The following EHMT1 variants were observed in gnomAD, a reference collection of about 807,000 sequenced individuals.
EHMT1 encodes the protein histone-lysine N-methyltransferase EHMT1.
Under a neutral mutation model 147.2 loss-of-function variants are expected in EHMT1, and 15 were observed. That is an observed-to-expected ratio of 0.10 (90% CI 0.07 to 0.16). The LOEUF (loss-of-function observed/expected upper bound fraction) is 0.16, where lower values mean the gene tolerates loss of function less well. Among genes scored for constraint, EHMT1 ranks in the 10% least tolerant of loss-of-function variants. The pLI is 1.00. For synonymous variants in EHMT1, 795 were observed against 709.6 expected, an observed-to-expected ratio of 1.12 and a Z score of -1.91; for missense variants, 1,587 against 1,772.4, an observed-to-expected ratio of 0.90 and a Z score of 1.88.
chr9:137,743,214 C>A, intron 4 of EHMT1, 157 bp from the exon 5 acceptor site: 1 of 777,104 alleles, frequency 1.3e-6, no homozygotes, highest in Non-Finnish European at 2.0e-6. Flanking sequence ...ATGCCTGTCA[C>A]TGTGCTGATG....
intron 2 of EHMT1, among the ~76,000 whole-genome samples, chr9:137,713,836 G>C (rs1022330889): frequency 2.0e-5 from 3 of 152,090 alleles, no homozygotes; most frequent in Middle Eastern, 3.4e-3. Flanking sequence ...TATAATCCCA[G>C]CTACTCATGA....
chr9:137,664,288 CT>C (rs796427218), intron 1 of EHMT1, among the ~76,000 whole-genome samples: 4,285 of 142,080 alleles, frequency 0.03, 149 homozygotes, highest in East Asian at 0.13. Context: ...TTTAGCCATA[CT>C]TTTTTTTTTT....
At chr9:137,715,191 C>T (rs1339896546) in intron 2 of EHMT1, among the ~76,000 whole-genome samples, 2 of 152,082 alleles carry the variant, frequency 1.3e-5, no homozygotes, top group Non-Finnish European at 2.9e-5. Flanking sequence ...TTGTTCTTTC[C>T]CTTTGGTGTC....
At chr9:137,705,988 C>T (rs1944236387) in intron 1 of EHMT1, among the ~76,000 whole-genome samples, 1 of 149,076 alleles carries the variant, frequency 6.7e-6, no homozygotes, top group African/African-American at 2.5e-5. Context: ...CCAGGCCGTT[C>T]TTCCTGGAGT....
At chr9:137,807,478 CTTATTTAT>C (rs60007941) in intron 18 of EHMT1, among the ~76,000 whole-genome samples, 12,588 of 147,990 alleles carry the variant, frequency 0.085, 1,355 homozygotes, top group African/African-American at 0.25. Context: ...GCTTTATTTA[CTTATTTAT>C]TTATTTATTT....
intron 3 of EHMT1, among the ~76,000 whole-genome samples, chr9:137,725,154 GCGTGTGGCATT>G (rs1410935294): frequency 2.2e-5 from 3 of 136,892 alleles, no homozygotes; most frequent in Non-Finnish European, 4.7e-5. Context: ...TGTGTGGCAG[GCGTGTGGCATT>G]CGTGTGGCAG....
At chr9:137,800,660 C>A (rs989019881) in intron 17 of EHMT1, 3 of 588,006 alleles carry the variant, frequency 5.1e-6, no homozygotes, top group East Asian at 2.9e-5. Context: ...TGGGCCTGGG[C>A]CAGTCCTGGT....
intron 6 of EHMT1, among the ~76,000 whole-genome samples, chr9:137,748,996 G>C (rs1295144153): frequency 6.6e-6 from 1 of 152,178 alleles, no homozygotes; most frequent in Admixed American, 6.5e-5. Flanking sequence ...CTGGTGAAGG[G>C]AGAGCTGGAC....
At chr9:137,674,556 G>A (rs1941042453) in intron 1 of EHMT1, among the ~76,000 whole-genome samples, 1 of 152,196 alleles carries the variant, frequency 6.6e-6, no homozygotes. Flanking sequence ...GGCGCCGCCT[G>A]TGCCTTGCCT....
At chr9:137,662,472 AT>A (rs1939180304) in intron 1 of EHMT1, among the ~76,000 whole-genome samples, 1 of 152,014 alleles carries the variant, frequency 6.6e-6, no homozygotes. Context: ...TGTTGGGATT[AT>A]AATAGGTGTG....
rs1358230595 is a variant in EHMT1, at chr9:137,776,255, T to TG, written c.1792-362dup. Among the ~76,000 whole-genome samples, 1 of 152,234 alleles carries TG rather than the reference T, an allele frequency of 6.6e-6. No individual in the cohort carries two copies. Among genetic ancestry groups the TG allele is most frequent in the African/African-American group, 2.4e-5 (1 of 41,468 alleles). ...TGAGGCAGCTCCACCTGCCTGATGC[T>TG]GTGCCCTGAGGTGCTGTCGTCTGTC... On this transcript the variant is annotated intron_variant, in intron 11 of 26. Transcript: ENST00000460843. The surrounding 1 kb of genome is among the most constrained non-coding windows in gnomAD (Gnocchi z 4.4).
chr9:137,692,006 C>A (rs917737577), intron 1 of EHMT1, among the ~76,000 whole-genome samples: 3 of 152,176 alleles, frequency 2.0e-5, no homozygotes, highest in Admixed American at 6.6e-5. Context: ...ACTAAAAATT[C>A]ACAGGATATT....
chr9:137,775,040 G>C lies in EHMT1; in HGVS notation c.1648-69G>C. 1 of 1,608,984 alleles carries C rather than the reference G, an allele frequency of 6.2e-7. No homozygotes were observed. Among genetic ancestry groups the C allele is most frequent in the South Asian group, 1.1e-5 (1 of 90,792 alleles). On this transcript the variant is annotated intron_variant, in intron 10 of 26. Coordinates refer to ENST00000460843, the MANE Select transcript of EHMT1 (RefSeq NM_024757.5). This position sits in a 1 kb window ranked among gnomAD's most constrained non-coding sequence, Gnocchi z 6.1. ...AGCTCTTGTGTGCCTGCACTGCCCA[G>C]CGCCTGGTGGGAGGGAATGCCGGCC... is the stretch of plus-strand genomic sequence containing the variant.
chr9:137,637,290 C>G (rs1844154640), intron 1 of EHMT1, among the ~76,000 whole-genome samples: 1 of 151,792 alleles, frequency 6.6e-6, no homozygotes, highest in South Asian at 2.1e-4. Context: ...AATCTCCTGC[C>G]TCAGCCTCCC....
intron 1 of EHMT1, among the ~76,000 whole-genome samples, chr9:137,622,163 G>A (rs1176820482): frequency 7.8e-6 from 1 of 127,994 alleles, no homozygotes; most frequent in African/African-American, 3.0e-5. Flanking sequence ...CTATTGCCCA[G>A]GCTGGAGTGC....
intron 25 of EHMT1, among the ~76,000 whole-genome samples, chr9:137,819,771 C>T (rs1385083201): frequency 6.6e-6 from 1 of 151,930 alleles, no homozygotes; most frequent in African/African-American, 2.4e-5. Flanking sequence ...ACAGACACGT[C>T]CCTTGTGTCC....
chr9:137,644,737 T>C (rs1844760842), intron 1 of EHMT1, among the ~76,000 whole-genome samples: 1 of 152,234 alleles, frequency 6.6e-6, no homozygotes, highest in African/African-American at 2.4e-5. Flanking sequence ...GGCCCCTGAT[T>C]GAGATCTAGT....
At position 137,776,978 on chromosome 9, in the gene EHMT1, TG is replaced by T; in HGVS notation, c.2018+135del. On this transcript the variant is annotated intron_variant, in intron 12 of 26. Transcript: ENST00000460843. The surrounding 1 kb of genome is among the most constrained non-coding windows in gnomAD (Gnocchi z 4.4). ...TGATGCTGATGCTTATGGTGATTTC[TG>T]ACATTTAAGACTCTGAAATTCATTT... 2 of 846,802 alleles carry T rather than the reference TG, an allele frequency of 2.4e-6. No individual in the cohort carries two copies. The highest frequency in any genetic ancestry group is 3.7e-6 in the Non-Finnish European group (2 of 541,016). The allele number at this position is 846,802 out of a possible 1,614,324, so 52.5% of individuals were successfully genotyped here.
chr9:137,823,909 T>G (rs1955634422), intron 25 of EHMT1, among the ~76,000 whole-genome samples: 1 of 152,250 alleles, frequency 6.6e-6, no homozygotes, highest in Non-Finnish European at 1.5e-5. Context: ...GTAGGAGCTC[T>G]TTCCATCTTC....
Sources: allele counts gnomAD v4.1 joint callset (sites outside exome capture counted in the v4.1 genomes callset), GRCh38; gene constraint gnomAD v4.1.1; non-coding constraint Gnocchi (gnomAD v3.1); transcripts MANE v1.5; gene names NCBI Gene and HGNC (gene_info 2026-07-23, HGNC 2026-07-21).